Variants in LYPD1 observed in about 807,000 individuals in gnomAD.
The protein encoded by LYPD1 is LY6/PLAUR domain containing 1, also known as ly6/PLAUR domain-containing protein 1.
Under a neutral mutation model 14.2 loss-of-function variants are expected in LYPD1, and 14 were observed. The ratio of observed to expected loss-of-function variants is 0.99; its 90% CI spans 0.65 to 1.54. The LOEUF (loss-of-function observed/expected upper bound fraction) is 1.54, where lower values mean the gene tolerates loss of function less well. Among genes scored for constraint, LYPD1 ranks in the 40% most tolerant of loss-of-function variants. The pLI is 0.00. For synonymous variants in LYPD1, 85 were observed against 70.6 expected, an observed-to-expected ratio of 1.20 and a Z score of -1.02; for missense variants, 165 against 175.7, an observed-to-expected ratio of 0.94 and a Z score of 0.34.
intron 2 of LYPD1, among the ~76,000 whole-genome samples, chr2:132,651,332 C>A (rs1410276976): frequency 6.6e-6 from 1 of 152,170 alleles, no homozygotes; most frequent in Non-Finnish European, 1.5e-5. Flanking sequence ...AAAAGAGCCA[C>A]CAGGAGCTGC....
intron 2 of LYPD1, among the ~76,000 whole-genome samples, chr2:132,661,322 A>G (rs1682926854): frequency 6.6e-6 from 1 of 152,220 alleles, no homozygotes; most frequent in African/African-American, 2.4e-5. Context: ...CAGATGTTTG[A>G]TGAACACCAA....
At chr2:132,653,605 A>G (rs1248332081) in intron 2 of LYPD1, among the ~76,000 whole-genome samples, 1 of 152,220 alleles carries the variant, frequency 6.6e-6, no homozygotes, top group East Asian at 1.9e-4. Context: ...ATTATTGGCC[A>G]AAGTTGGAGG....
intron 2 of LYPD1, among the ~76,000 whole-genome samples, chr2:132,658,604 A>G (rs1682738983): frequency 6.6e-6 from 1 of 152,230 alleles, no homozygotes; most frequent in Non-Finnish European, 1.5e-5. Flanking sequence ...GAATTCTTAG[A>G]GCTCAGTGAA....
rs1469905420 is a variant in LYPD1, at chr2:132,643,797, G to A, written c.*2248C>T. Among the ~76,000 whole-genome samples the A allele has an allele frequency of 6.6e-6, 1 of 152,164 alleles. No individual in the cohort carries two copies. Among genetic ancestry groups the A allele is most frequent in the Non-Finnish European group, 1.5e-5 (1 of 68,030 alleles). On this transcript the variant is annotated 3_prime_UTR_variant, in exon 3 of 3. Coordinates refer to ENST00000397463, the MANE Select transcript of LYPD1 (RefSeq NM_144586.7). ...GGCCTCCCAGAGTATTGAGATATCA[G>A]GCATGCGCCACCATGTCTGGCCCCC...
At position 132,669,909 on chromosome 2, in the gene LYPD1, TGCC is replaced by T; in HGVS notation, c.21_23del (p.Ala8del). 1 of 1,612,846 alleles carries T rather than the reference TGCC, an allele frequency of 6.2e-7. No homozygotes were observed. The highest frequency in any genetic ancestry group is 8.5e-7 in the Non-Finnish European group (1 of 1,179,358). On this transcript the variant is annotated inframe_deletion, in exon 1 of 3. Transcript: ENST00000397463. This position sits in a 1 kb window ranked among gnomAD's most constrained non-coding sequence, Gnocchi z 4.3. ...GAAGCAAGAACAATCCGCAAAAAGT[TGCC>T]GCGATGCCTAGGACCCACATTCTCC...
Position 132,645,356 on chromosome 2 carries a change from A to G in LYPD1, c.*689T>C. ...CTGTCGCTGCAGCACGCCAACCACG[A>G]GAAGCGCCTGCGCGTACATGCGCAC... On this transcript the variant is annotated 3_prime_UTR_variant, in exon 3 of 3. Transcript: ENST00000397463. 1.4e-5 allele frequency: 23 copies of G among 1,614,102 alleles called. No homozygotes were observed. Among genetic ancestry groups the G allele is most frequent in the Non-Finnish European group, 1.9e-5 (22 of 1,180,040 alleles).
rs150955443 is a variant in LYPD1, at chr2:132,645,528, C to T, written c.*517G>A. ...AGTCTAAGTCCCAGTCATTGAGTCTCGAGTCACTAGAGCCCAACTCAGGCG... is the reference window on the plus strand; with the variant it reads ...AGTCTAAGTCCCAGTCATTGAGTCTTGAGTCACTAGAGCCCAACTCAGGCG... On this transcript the variant is annotated 3_prime_UTR_variant, in exon 3 of 3. Coordinates refer to ENST00000397463, the MANE Select transcript of LYPD1 (RefSeq NM_144586.7). 3.6e-5 allele frequency: 58 copies of T among 1,614,162 alleles called. No homozygotes were observed. The African/African-American group carries it at 5.6e-4, about 16-fold the overall frequency.
intron 2 of LYPD1, among the ~76,000 whole-genome samples, chr2:132,657,156 T>G (rs1034651889): frequency 1.3e-5 from 2 of 152,222 alleles, no homozygotes; most frequent in African/African-American, 4.8e-5. Context: ...TCAACTTAAT[T>G]ATAGCAAGCA....
chr2:132,665,126 A>T (rs1402236211), intron 2 of LYPD1, among the ~76,000 whole-genome samples: 1 of 152,212 alleles, frequency 6.6e-6, no homozygotes, highest in African/African-American at 2.4e-5. Context: ...CATAATAGCA[A>T]TGTCACTCTG....
In LYPD1 at chr2:132,670,133, G is replaced by A. The variant is rs1029539131; in HGVS notation, c.-201C>T. On this transcript the variant is annotated 5_prime_UTR_variant, in exon 1 of 3. Coordinates refer to ENST00000397463, the MANE Select transcript of LYPD1 (RefSeq NM_144586.7). The surrounding 1 kb of genome is among the most constrained non-coding windows in gnomAD (Gnocchi z 4.5). ...CGCCCGCGCTCGGGCTCCCGGCTGC[G>A]GGTCTCTGCTCCTCCCGCTCGCGCT... is the stretch of plus-strand genomic sequence containing the variant. 8.6e-6 allele frequency: 12 copies of A among 1,400,334 alleles called. No individual in the cohort carries two copies. In the African/African-American group the frequency reaches 1.1e-4, roughly 12 times the overall value. 86.7% of individuals were successfully genotyped at this position (1,400,334 alleles called of 1,614,324 possible). A position where few individuals can be genotyped will look rare whatever the true frequency, so the allele number is the denominator to read the frequency against.
rs1681915196 is a variant in LYPD1, at chr2:132,643,676, T to C, written c.*2369A>G. Among the ~76,000 whole-genome samples, 5 of 152,208 alleles carry C rather than the reference T, an allele frequency of 3.3e-5. No homozygotes were observed. The highest frequency in any genetic ancestry group is 3.3e-4 in the Admixed American group (5 of 15,280). ...GACCACAGGTGTGTATGTACCACCA[T>C]GCCTGGCTAAGTTTTTCTTTTTTTG... is the stretch of plus-strand genomic sequence containing the variant. On this transcript the variant is annotated 3_prime_UTR_variant, in exon 3 of 3. Coordinates refer to ENST00000397463, the MANE Select transcript of LYPD1 (RefSeq NM_144586.7).
chr2:132,647,648 A>C (rs180780593), intron 2 of LYPD1, among the ~76,000 whole-genome samples: 29 of 151,690 alleles, frequency 1.9e-4, no homozygotes, highest in Admixed American at 1.8e-3. Context: ...GCTATTTTAT[A>C]TCAATGAATT....
At chr2:132,657,970 C>CAGCT (rs1553464163) in intron 2 of LYPD1, among the ~76,000 whole-genome samples, 1 of 152,204 alleles carries the variant, frequency 6.6e-6, no homozygotes, top group African/African-American at 2.4e-5. Context: ...ACTACCCTTA[C>CAGCT]AGCTACTAGC....
At chr2:132,656,601 A>G (rs1331325679) in intron 2 of LYPD1, among the ~76,000 whole-genome samples, 3 of 152,240 alleles carry the variant, frequency 2.0e-5, no homozygotes, top group Non-Finnish European at 2.9e-5. Context: ...CTTGGAAAGT[A>G]GAGGCTTCTC....
chr2:132,653,182 G>GAA (rs559393378), intron 2 of LYPD1, among the ~76,000 whole-genome samples: 1 of 152,150 alleles, frequency 6.6e-6, no homozygotes, highest in Non-Finnish European at 1.5e-5. Flanking sequence ...CCTGAGGAAA[G>GAA]AACATGAACC....
intron 2 of LYPD1, among the ~76,000 whole-genome samples, chr2:132,650,559 C>CT (rs1682319842): frequency 6.6e-6 from 1 of 151,994 alleles, no homozygotes; most frequent in African/African-American, 2.4e-5. Flanking sequence ...GACCATCACT[C>CT]TATCTATCAC....
chr2:132,658,967 TGTG>T, intron 2 of LYPD1, among the ~76,000 whole-genome samples: 1 of 152,114 alleles, frequency 6.6e-6, no homozygotes, highest in East Asian at 1.9e-4. Flanking sequence ...TGTGTGTGTG[TGTG>T]TGTTTCTTGA....
chr2:132,659,646 G>A (rs1017444018), intron 2 of LYPD1, among the ~76,000 whole-genome samples: 7 of 152,218 alleles, frequency 4.6e-5, no homozygotes, highest in Non-Finnish European at 8.8e-5. Flanking sequence ...TGGGTGGAAA[G>A]TTGTCCTTCC....
At chr2:132,665,940 T>A (rs1683245322) in intron 2 of LYPD1, among the ~76,000 whole-genome samples, 1 of 152,170 alleles carries the variant, frequency 6.6e-6, no homozygotes, top group Admixed American at 6.5e-5. Flanking sequence ...ATGTTATTGA[T>A]CAAACTTGAA....
Sources: allele counts gnomAD v4.1 joint callset (sites outside exome capture counted in the v4.1 genomes callset), GRCh38; gene constraint gnomAD v4.1.1; non-coding constraint Gnocchi (gnomAD v3.1); transcripts MANE v1.5; gene names NCBI Gene and HGNC (gene_info 2026-07-23, HGNC 2026-07-21).